The following WIPF1 variants were observed in gnomAD, a reference collection of about 807,000 sequenced individuals.
WIPF1 encodes WAS/WASL interacting protein family member 1, also known as WAS/WASL-interacting protein family member 1.
Under a neutral mutation model 35.4 loss-of-function variants are expected in WIPF1, and 13 were observed. That is an observed-to-expected ratio of 0.37 (90% CI 0.24 to 0.58). The LOEUF is 0.58. Ranked by LOEUF, WIPF1 falls within the 20% of genes least tolerant of loss-of-function variation. The pLI, the probability that WIPF1 is intolerant of heterozygous loss-of-function variation, is 0.74. For synonymous variants in WIPF1, 267 were observed against 266.3 expected, an observed-to-expected ratio of 1.00 and a Z score of -0.02; for missense variants, 591 against 667.0, an observed-to-expected ratio of 0.89 and a Z score of 1.25.
At chr2:174,633,792 C>T (rs1342971870) in intron 1 of WIPF1, among the ~76,000 whole-genome samples, 1 of 152,168 alleles carries the variant, frequency 6.6e-6, no homozygotes, top group Non-Finnish European at 1.5e-5. Flanking sequence ...CGTCACACCT[C>T]ACGGCCTCTT....
chr2:174,607,682 C>T (rs1339192939), intron 1 of WIPF1, among the ~76,000 whole-genome samples: 1 of 152,026 alleles, frequency 6.6e-6, no homozygotes, highest in Non-Finnish European at 1.5e-5. Context: ...TTTGTGCTTG[C>T]TGTCCCCTCT....
intron 1 of WIPF1, among the ~76,000 whole-genome samples, chr2:174,674,843 C>T (rs1688094759): frequency 6.6e-6 from 1 of 151,704 alleles, no homozygotes; most frequent in African/African-American, 2.4e-5. Context: ...GAAAGTAATA[C>T]TCCTTTAGAG....
At chr2:174,599,741 A>G (rs1685932338), upstream of WIPF1, among the ~76,000 whole-genome samples, 1 of 152,124 alleles carries the variant, frequency 6.6e-6, no homozygotes, top group East Asian at 1.9e-4. Context: ...ACGTATTTTC[A>G]GAATTATTTT....
intron 6 of WIPF1, 142 bp from the exon 7 acceptor site, chr2:174,567,325 G>T: frequency 1.3e-6 from 1 of 773,198 alleles, no homozygotes; most frequent in Non-Finnish European, 2.1e-6. Flanking sequence ...AGAAAAGCTG[G>T]AAGTGCTACA....
rs113636898 is a variant in WIPF1, at chr2:174,646,620, G to T, written c.-39+36154C>A. On this transcript the variant is annotated intron_variant, in intron 1 of 8. Transcript: ENST00000272746. ...AGAAAGGCAACCAGAGTCAAGCAAA[G>T]AACTTTCTTTCTTTCTTTTTCTGAG... Among the ~76,000 whole-genome samples the T allele has an allele frequency of 1.1e-4, 17 of 152,184 alleles. 3 individuals are homozygous for T. Among genetic ancestry groups the T allele is most frequent in the African/African-American group, 4.1e-4 (17 of 41,522 alleles).
chr2:174,631,710 T>A (rs536411296), intron 1 of WIPF1, among the ~76,000 whole-genome samples: 1 of 152,358 alleles, frequency 6.6e-6, no homozygotes, highest in Admixed American at 6.5e-5. Context: ...AACTTCTTTC[T>A]GAGAAATCCA....
intron 1 of WIPF1, among the ~76,000 whole-genome samples, chr2:174,585,964 C>G (rs1447797710): frequency 1.3e-5 from 2 of 152,232 alleles, no homozygotes; most frequent in African/African-American, 4.8e-5. Flanking sequence ...AACAAATTCA[C>G]TTCAAGTGGC....
At chr2:174,664,935 G>A (rs995468725) in intron 1 of WIPF1, among the ~76,000 whole-genome samples, 1 of 152,094 alleles carries the variant, frequency 6.6e-6, no homozygotes, top group Non-Finnish European at 1.5e-5. Flanking sequence ...GCCAGGCCTG[G>A]ATCTTTCTTA....
At chr2:174,600,912 C>CGTTT (rs1187567460), upstream of WIPF1, among the ~76,000 whole-genome samples, 1 of 65,438 alleles carries the variant, frequency 1.5e-5, no homozygotes, top group East Asian at 4.5e-4. Flanking sequence ...CATAATGTTC[C>CGTTT]TTTTTTTTTT....
chr2:174,634,935 G>C (rs1488623094), intron 1 of WIPF1, among the ~76,000 whole-genome samples: 1 of 152,170 alleles, frequency 6.6e-6, no homozygotes, highest in African/African-American at 2.4e-5. Flanking sequence ...CCTGGGGCTT[G>C]GGTGCTCTGC....
chr2:174,562,010 C>T lies in WIPF1; in HGVS notation c.*537G>A, dbSNP rs1425569335. 2.0e-6 allele frequency: 3 copies of T among 1,498,152 alleles called. No homozygotes were observed. In the East Asian group the frequency reaches 7.4e-5, roughly 37 times the overall value. The allele number at this position is 1,498,152 out of a possible 1,614,324, so 92.8% of individuals were successfully genotyped here. The stretch of plus-strand genomic sequence containing the variant: ...ATGTAAAAATTGTATATGGGGCTCA[C>T]ATTATATTTCTATTGGACAGCTCTG... On this transcript the variant is annotated 3_prime_UTR_variant, in exon 8 of 8. Transcript: ENST00000679041.
At chr2:174,575,940 T>C (rs1033391378) in intron 3 of WIPF1, among the ~76,000 whole-genome samples, 3 of 151,680 alleles carry the variant, frequency 2.0e-5, no homozygotes, top group African/African-American at 4.9e-5. Flanking sequence ...AAATAAAATA[T>C]CTCATAATTT....
intron 3 of WIPF1, among the ~76,000 whole-genome samples, chr2:174,579,956 C>CT (rs1469943311): frequency 0.011 from 1,596 of 144,738 alleles, 21 homozygotes; most frequent in African/African-American, 0.03. Context: ...ACCTTAGTTC[C>CT]TTTTTTTTTT....
chr2:174,681,226 G>A (rs1212911303), intron 1 of WIPF1, among the ~76,000 whole-genome samples: 2 of 152,210 alleles, frequency 1.3e-5, no homozygotes, highest in Non-Finnish European at 2.9e-5. Context: ...CATCTGCAGA[G>A]TTTAGTCTGA....
chr2:174,680,506 T>C lies in WIPF1; in HGVS notation c.-39+2268A>G, dbSNP rs114504973. On this transcript the variant is annotated intron_variant, in intron 1 of 8. Coordinates refer to the WIPF1 transcript ENST00000272746. ...GGGAGGTAAAATGACAAATATCAGA[T>C]GCTTAAAAGTGAAGGGGTTATGGCA... 4.9e-3 allele frequency among the ~76,000 whole-genome samples: 742 copies of C among 152,268 alleles called. 3 individuals are homozygous for C. Among genetic ancestry groups the C allele is most frequent in the Middle Eastern group, 0.017 (5 of 294 alleles).
chr2:174,621,267 A>G (rs1012632885), intron 1 of WIPF1, among the ~76,000 whole-genome samples: 2 of 152,174 alleles, frequency 1.3e-5, no homozygotes, highest in Non-Finnish European at 2.9e-5. Context: ...CATAGAGACT[A>G]ATTAGATGTG....
At chr2:174,628,472 G>C (rs1574847120) in intron 1 of WIPF1, among the ~76,000 whole-genome samples, 1 of 152,234 alleles carries the variant, frequency 6.6e-6, no homozygotes, top group East Asian at 1.9e-4. Flanking sequence ...ATGAGGACCA[G>C]TTCATTGCCC....
Position 174,665,135 on chromosome 2 carries a change from A to G in WIPF1, c.-39+17639T>C, listed in dbSNP as rs180828054. ...GACAGAGGAGAGGCAGACCGAGGGT[A>G]TAACGCTGCATACATCCCTATAATA... On this transcript the variant is annotated intron_variant, in intron 1 of 8. Coordinates refer to the WIPF1 transcript ENST00000272746. The G allele has an allele frequency of 1.3e-3, 198 of 152,330 alleles. 1 individual carries two copies. The highest frequency in any genetic ancestry group is 4.4e-3 in the African/African-American group (182 of 41,572). The allele number at this position is 152,330 out of a possible 1,614,324, so 9.4% of individuals were successfully genotyped here.
At chr2:174,566,995 G>A (rs781322398) in intron 7 of WIPF1, 75 bp downstream of exon 7, 9 of 1,456,896 alleles carry the variant, frequency 6.2e-6, no homozygotes, top group South Asian at 2.3e-5. Context: ...AAGAAGCCTG[G>A]ACTTTCTATA....
Sources: gnomAD v4.1 joint callset for allele counts (sites outside exome capture counted in the v4.1 genomes callset) on GRCh38, gnomAD v4.1.1 for gene constraint, MANE v1.5 for transcripts, NCBI Gene and HGNC (gene_info 2026-07-23, HGNC 2026-07-21) for gene names.